Variants in PTPRD observed in about 807,000 individuals in gnomAD.
PTPRD encodes the protein receptor-type tyrosine-protein phosphatase delta.
Under a neutral mutation model 214.5 loss-of-function variants are expected in PTPRD, and 34 were observed. The observed-to-expected ratio is 0.16, with a 90% CI of 0.12 to 0.21. PTPRD has a LOEUF of 0.21. Among genes scored for constraint, PTPRD ranks in the 10% least tolerant of loss-of-function variants. The probability of loss-of-function intolerance (pLI) is 1.00; values close to 1 mark genes in which losing one functional copy is unlikely to be tolerated. For missense variants in PTPRD, 2,545 were observed against 2,398.7 expected, an observed-to-expected ratio of 1.06 and a Z score of -1.27; for synonymous variants, 1,128 against 845.7, an observed-to-expected ratio of 1.33 and a Z score of -5.79.
intron 12 of PTPRD, among the ~76,000 whole-genome samples, chr9:8,690,326 G>C (rs1343585640): frequency 6.6e-6 from 1 of 151,762 alleles, no homozygotes; most frequent in Non-Finnish European, 1.5e-5. Context: ...AGGACATGGA[G>C]ACCATCCTGG....
chr9:8,493,476 A>T (rs1339008409), intron 26 of PTPRD, among the ~76,000 whole-genome samples: 1 of 152,178 alleles, frequency 6.6e-6, no homozygotes, highest in Non-Finnish European at 1.5e-5. Context: ...CAGACTACAG[A>T]TGGGGCTGAT....
At chr9:10,482,163 A>C (rs987373626) in intron 2 of PTPRD, among the ~76,000 whole-genome samples, 1 of 152,042 alleles carries the variant, frequency 6.6e-6, no homozygotes, top group Non-Finnish European at 1.5e-5. Context: ...CGAGGTCAGG[A>C]GATTGAGACC....
intron 10 of PTPRD, among the ~76,000 whole-genome samples, chr9:9,174,210 T>C (rs553924552): frequency 6.6e-6 from 1 of 152,272 alleles, no homozygotes; most frequent in South Asian, 2.1e-4. Context: ...ATTGTCTCCA[T>C]GTAACAGATC....
At chr9:9,143,514 T>C (rs1592341428) in intron 10 of PTPRD, among the ~76,000 whole-genome samples, 1 of 152,232 alleles carries the variant, frequency 6.6e-6, no homozygotes, top group Non-Finnish European at 1.5e-5. Context: ...ATTAAAATTA[T>C]TGATGAAAAT....
intron 9 of PTPRD, among the ~76,000 whole-genome samples, chr9:9,269,198 CAA>C (rs1197240041): frequency 1.3e-5 from 2 of 151,216 alleles, no homozygotes; most frequent in Non-Finnish European, 3.0e-5. Flanking sequence ...AAAAAATTAT[CAA>C]AGAACCTGAA....
intron 9 of PTPRD, among the ~76,000 whole-genome samples, chr9:9,231,071 G>C (rs2099962795): frequency 6.6e-6 from 1 of 151,864 alleles, no homozygotes; most frequent in African/African-American, 2.4e-5. Flanking sequence ...GGGGGGAATG[G>C]GTGTTCTAAC....
At chr9:9,698,264 G>A (rs1258531279) in intron 7 of PTPRD, among the ~76,000 whole-genome samples, 1 of 152,062 alleles carries the variant, frequency 6.6e-6, no homozygotes, top group Non-Finnish European at 1.5e-5. Flanking sequence ...TTCTCTTTCT[G>A]GGTTGGTGTT....
rs1053453532 is a variant in PTPRD at position 9,238,443 on chromosome 9, T to C, written c.-202-55080A>G. Among the ~76,000 whole-genome samples, 10 of 152,250 alleles carry C rather than the reference T, an allele frequency of 6.6e-5. No individual in the cohort carries two copies. The South Asian group carries it at 2.1e-3, about 32-fold the overall frequency. On this transcript the variant is annotated intron_variant, in intron 9 of 45. Transcript: ENST00000381196. The stretch of plus-strand genomic sequence containing the variant: ...TTTGGAGTTATAGGTGTCTGGGTTT[T>C]AACCCTTTGTCTCTTTTTCTTGTGT...
rs578173636 is a variant in PTPRD at position 10,374,808 on chromosome 9, C to T, written c.-599-33791G>A. ...GTAATCAGTTAATTTTGGTGGGGGGCGGTATATATGACTACTTGAAAACAG... is the reference window on the plus strand; with the variant it reads ...GTAATCAGTTAATTTTGGTGGGGGGTGGTATATATGACTACTTGAAAACAG... On this transcript the variant is annotated intron_variant, in intron 2 of 45. Transcript: ENST00000381196. 5.9e-5 allele frequency among the ~76,000 whole-genome samples: 9 copies of T among 151,922 alleles called. No homozygotes were observed. The East Asian group carries it at 1.2e-3, about 20-fold the overall frequency.
chr9:8,358,923 C>T lies in PTPRD; in HGVS notation c.4662-16945G>A, dbSNP rs947199517. On this transcript the variant is annotated intron_variant, in intron 39 of 45. Coordinates refer to ENST00000381196, the MANE Select transcript of PTPRD (RefSeq NM_002839.4). Reference sequence around the variant, plus strand: ...GAGATCGAGACCATCCTGGCTAACACGGTGAAACCCCGTCTCTACTAAAAA... The same window carrying T: ...GAGATCGAGACCATCCTGGCTAACATGGTGAAACCCCGTCTCTACTAAAAA... Among the ~76,000 whole-genome samples, 6 of 150,606 alleles carry T rather than the reference C, an allele frequency of 4.0e-5. 1 individual carries two copies. The South Asian group carries it at 6.4e-4, about 16-fold the overall frequency.
intron 7 of PTPRD, among the ~76,000 whole-genome samples, chr9:9,635,017 C>G (rs1429835707): frequency 6.6e-6 from 1 of 152,050 alleles, no homozygotes; most frequent in Non-Finnish European, 1.5e-5. Flanking sequence ...AGATGTTCAA[C>G]AATATATTGA....
chr9:9,101,000 C>T (rs891800991), intron 10 of PTPRD, among the ~76,000 whole-genome samples: 3 of 151,890 alleles, frequency 2.0e-5, no homozygotes, highest in African/African-American at 7.3e-5. Context: ...TAATTTTTAT[C>T]ATACCTGATC....
At chr9:8,765,504 A>G (rs547982486) in intron 11 of PTPRD, among the ~76,000 whole-genome samples, 56 of 152,310 alleles carry the variant, frequency 3.7e-4, no homozygotes, top group African/African-American at 1.2e-3. Flanking sequence ...GAATAAGGTT[A>G]GAAGCGGGTA....
intron 9 of PTPRD, among the ~76,000 whole-genome samples, chr9:9,361,196 T>C (rs758177816): frequency 1.3e-5 from 2 of 151,184 alleles, no homozygotes; most frequent in Non-Finnish European, 3.0e-5. Context: ...GGAACTTAAA[T>C]GCTTATAACC....
intron 7 of PTPRD, among the ~76,000 whole-genome samples, chr9:9,639,926 C>T (rs16929967): frequency 0.02 from 2,999 of 152,216 alleles, 94 homozygotes; most frequent in African/African-American, 0.069. Context: ...AAAGAAAATA[C>T]AGGCTTTGTT....
intron 14 of PTPRD, among the ~76,000 whole-genome samples, chr9:8,627,788 A>T (rs1595603031): frequency 6.6e-6 from 1 of 151,998 alleles, no homozygotes; most frequent in East Asian, 1.9e-4. Context: ...TAGACTATCC[A>T]CATGGGCTTC....
chr9:8,993,984 A>C (rs2099387223), intron 11 of PTPRD, among the ~76,000 whole-genome samples: 1 of 152,098 alleles, frequency 6.6e-6, no homozygotes, highest in Non-Finnish European at 1.5e-5. Context: ...GCATCCCAAT[A>C]ATTTTGTGAA....
rs869120926 is a variant in PTPRD at position 9,779,078 on chromosome 9, C to CAAAAAAAAAAAAAAAAAAAAAAA, written c.-367-12250_-367-12228dup. ...GCCATGTGATCTTTCATAAGACTGA[C>CAAAAAAAAAAAAAAAAAAAAAAA]AAAAAAAAAAAAAAAAAAAAAAAAA... On this transcript the variant is annotated intron_variant, in intron 5 of 45. Coordinates refer to ENST00000381196, the MANE Select transcript of PTPRD (RefSeq NM_002839.4). 2.7e-3 allele frequency among the ~76,000 whole-genome samples: 123 copies of CAAAAAAAAAAAAAAAAAAAAAAA among 45,476 alleles called. 22 individuals carry two copies. The highest frequency in any genetic ancestry group is 4.5e-3 in the East Asian group (7 of 1,564). The allele number at this position is 45,476 out of a possible 152,430, so 29.8% of individuals were successfully genotyped here.
rs557453401 is a variant in PTPRD, at chr9:9,448,357, G to T, written c.-236-50875C>A. Among the ~76,000 whole-genome samples, 3 of 152,126 alleles carry T rather than the reference G, an allele frequency of 2.0e-5. No homozygotes were observed. The East Asian group carries it at 5.8e-4, about 30-fold the overall frequency. Reference sequence around the variant, plus strand: ...GAGGGTGAGAGGTGATTGGATCATGGTGTCAGTTTCCCCCATGCTGTTTTC... The same window carrying T: ...GAGGGTGAGAGGTGATTGGATCATGTTGTCAGTTTCCCCCATGCTGTTTTC... On this transcript the variant is annotated intron_variant, in intron 8 of 45. Transcript: ENST00000381196.
Sources: gnomAD v4.1 joint callset for allele counts (sites outside exome capture counted in the v4.1 genomes callset) on GRCh38, gnomAD v4.1.1 for gene constraint, MANE v1.5 for transcripts, NCBI Gene and HGNC (gene_info 2026-07-23, HGNC 2026-07-21) for gene names.